The following SNX27 variants were observed in gnomAD, a reference collection of about 807,000 sequenced individuals.
SNX27 encodes the protein sorting nexin 27, also known as sorting nexin-27.
In SNX27, 22 loss-of-function variants were observed where a neutral mutation model predicts 71.6. The observed-to-expected ratio is 0.31, with a 90% CI of 0.22 to 0.44. The LOEUF (loss-of-function observed/expected upper bound fraction) is 0.44, where lower values mean the gene tolerates loss of function less well. Among genes scored for constraint, SNX27 ranks in the 20% least tolerant of loss-of-function variants. SNX27 has a pLI of 1.00. For missense variants in SNX27, 531 were observed against 698.6 expected, an observed-to-expected ratio of 0.76 and a Z score of 2.70; for synonymous variants, 269 against 277.2, an observed-to-expected ratio of 0.97 and a Z score of 0.29.
chr1:151,687,854 A>G (rs1473985143), intron 8 of SNX27, among the ~76,000 whole-genome samples: 3 of 151,050 alleles, frequency 2.0e-5, no homozygotes, highest in East Asian at 2.0e-4. Context: ...AGACTGGGGC[A>G]GGAGAATGGC....
At chr1:151,648,298 G>T (rs568432942) in intron 2 of SNX27, among the ~76,000 whole-genome samples, 1 of 152,120 alleles carries the variant, frequency 6.6e-6, no homozygotes, top group Non-Finnish European at 1.5e-5. Context: ...CAAGTGATCC[G>T]CCAGCCTTGG....
intron 3 of SNX27, 64 bp from the exon 4 acceptor site, chr1:151,660,734 C>T (rs550317831): frequency 9.6e-6 from 12 of 1,245,134 alleles, no homozygotes; most frequent in South Asian, 3.6e-5. Flanking sequence ...AACTTTGATA[C>T]GTCTTTGACT....
intron 1 of SNX27, among the ~76,000 whole-genome samples, chr1:151,613,562 C>T (rs545239491): frequency 6.6e-6 from 1 of 152,078 alleles, no homozygotes; most frequent in African/African-American, 2.4e-5. Flanking sequence ...GCTGCTTTTC[C>T]TTTCTTCTGT....
chr1:151,616,839 T>TGA (rs778805220), intron 1 of SNX27, among the ~76,000 whole-genome samples: 1 of 152,202 alleles, frequency 6.6e-6, no homozygotes, highest in Non-Finnish European at 1.5e-5. Context: ...AAAGTACAGA[T>TGA]TCTCAGGCTC....
At chr1:151,629,899 A>AT (rs542848826) in intron 1 of SNX27, among the ~76,000 whole-genome samples, 123 of 150,740 alleles carry the variant, frequency 8.2e-4, no homozygotes, top group African/African-American at 2.9e-3. Context: ...ATATATATAT[A>AT]TTTTTTTGTG....
chr1:151,627,276 A>G (rs1194207360), intron 1 of SNX27, among the ~76,000 whole-genome samples: 46 of 152,122 alleles, frequency 3.0e-4, no homozygotes, highest in Admixed American at 2.7e-3. Context: ...TCTGCCACCC[A>G]TTTACTTAAT....
At chr1:151,638,763 C>A in intron 1 of SNX27, 125 bp from the exon 2 acceptor site, 1 of 864,126 alleles carries the variant, frequency 1.2e-6, no homozygotes, top group Non-Finnish European at 1.8e-6. Context: ...TTTCTGGAAC[C>A]AAATTAATCT....
In SNX27 at chr1:151,696,875, C is replaced by T. The variant is rs1452492909; in HGVS notation, c.*2458C>T. 6.6e-6 allele frequency: 1 copy of T among 152,056 alleles called. No individual in the cohort carries two copies. The highest frequency in any genetic ancestry group is 1.9e-4 in the East Asian group (1 of 5,170). The allele number at this position is 152,056 out of a possible 1,614,324, so 9.4% of individuals were successfully genotyped here. A position where few individuals can be genotyped will look rare whatever the true frequency, so the allele number is the denominator to read the frequency against. ...ATGATGGCCAGGTTGGTTTTGAACTCCTGACCTCAAGTAATCTGCCCACCT... is the reference window on the plus strand; with the variant it reads ...ATGATGGCCAGGTTGGTTTTGAACTTCTGACCTCAAGTAATCTGCCCACCT... On this transcript the variant is annotated 3_prime_UTR_variant, in exon 12 of 12. Transcript: ENST00000458013.
chr1:151,613,097 C>T (rs114502917), intron 1 of SNX27: 2,710 of 152,560 alleles, frequency 0.018, 38 homozygotes, highest in Middle Eastern at 0.04. Flanking sequence ...CCTTAGTTAC[C>T]CTCTCCTCAT....
At chr1:151,644,144 T>A (rs1668914747) in intron 2 of SNX27, among the ~76,000 whole-genome samples, 1 of 152,370 alleles carries the variant, frequency 6.6e-6, no homozygotes, top group Non-Finnish European at 1.5e-5. Flanking sequence ...GGTCTCAACA[T>A]CCAGTCTGCT....
intron 6 of SNX27, 56 bp downstream of exon 6, chr1:151,666,067 A>G: frequency 7.2e-7 from 1 of 1,387,070 alleles, no homozygotes; most frequent in Non-Finnish European, 1.0e-6. Context: ...AGAAAGAAAC[A>G]TTTACCTAGA....
Position 151,693,498 on chromosome 1 carries a change from T to C in SNX27, c.1578+15T>C. The C allele has an allele frequency of 6.2e-7, 1 of 1,613,954 alleles. No individual in the cohort carries two copies. Among genetic ancestry groups the C allele is most frequent in the Non-Finnish European group, 8.5e-7 (1 of 1,179,866 alleles). ...GGAGAAAAGAGGTAATTCTGAACAG[T>C]CCTTGAATTGACCTTTTCATCTTTT... On this transcript the variant is annotated intron_variant, in intron 11 of 11. Coordinates refer to ENST00000458013, the MANE Select transcript of SNX27 (RefSeq NM_001330723.2).
At chr1:151,615,803 T>A (rs1196356) in intron 1 of SNX27, 963,757 of 984,824 alleles carry the variant, frequency 0.98, 473,087 homozygotes, top group Non-Finnish European at 1. Context: ...CAACTGACAG[T>A]GGTGTGAAAG....
intron 2 of SNX27, among the ~76,000 whole-genome samples, chr1:151,658,034 C>G (rs901303146): frequency 6.6e-6 from 1 of 152,024 alleles, no homozygotes. Flanking sequence ...CAAGATCATG[C>G]TCCTTTGGTA....
chr1:151,642,110 T>C (rs1280200287), intron 2 of SNX27, among the ~76,000 whole-genome samples: 8 of 151,700 alleles, frequency 5.3e-5, no homozygotes, highest in African/African-American at 1.9e-4. Flanking sequence ...GGTTCATGCC[T>C]GTAATCCCAG....
intron 7 of SNX27, chr1:151,678,909 A>T (rs1670818151): frequency 1.3e-5 from 2 of 152,064 alleles, no homozygotes; most frequent in Non-Finnish European, 2.9e-5. Context: ...TTTTTAGTAG[A>T]GATGGGGTTT....
chr1:151,651,328 G>A (rs1392512843), intron 2 of SNX27, among the ~76,000 whole-genome samples: 2 of 150,282 alleles, frequency 1.3e-5, no homozygotes, highest in Non-Finnish European at 3.0e-5. Context: ...GGGGCGGGGG[G>A]CTGACCCCCC....
chr1:151,637,956 C>T (rs1248144505), intron 1 of SNX27, among the ~76,000 whole-genome samples: 2 of 152,188 alleles, frequency 1.3e-5, no homozygotes, highest in African/African-American at 4.8e-5. Flanking sequence ...GGGAGGGAAC[C>T]TCCAGGCCTG....
intron 7 of SNX27, among the ~76,000 whole-genome samples, chr1:151,669,632 C>G (rs1024065644): frequency 6.6e-6 from 1 of 152,324 alleles, no homozygotes; most frequent in Non-Finnish European, 1.5e-5. Flanking sequence ...CCTTCACTAC[C>G]ACCATCTCCT....
Sources: gnomAD v4.1 joint callset for allele counts (sites outside exome capture counted in the v4.1 genomes callset) on GRCh38, gnomAD v4.1.1 for gene constraint, MANE v1.5 for transcripts, NCBI Gene and HGNC (gene_info 2026-07-23, HGNC 2026-07-21) for gene names.